Variants in ATXN1 observed in about 807,000 individuals in gnomAD.
ATXN1 encodes ataxin-1.
ATXN1 carries 8 observed loss-of-function variants against 56.4 expected under a neutral mutation model. That is an observed-to-expected ratio of 0.14 (90% CI 0.08 to 0.26). The LOEUF (loss-of-function observed/expected upper bound fraction) is 0.26. Among genes scored for constraint, ATXN1 ranks in the 10% least tolerant of loss-of-function variants. ATXN1 has a pLI of 1.00. For synonymous variants in ATXN1, 514 were observed against 494.6 expected (o/e 1.04, Z -0.52); for missense variants, 987 against 1,106.5 (o/e 0.89, Z 1.53).
intron 6 of ATXN1, among the ~76,000 whole-genome samples, chr6:16,438,944 G>C (rs371914864): frequency 2.0e-5 from 3 of 152,188 alleles, no homozygotes; most frequent in African/African-American, 7.2e-5. Context: ...GGAATCTCTT[G>C]TGTAAGATGG....
At chr6:16,648,076 AAAAAC>A (rs1763832770) in intron 3 of ATXN1, among the ~76,000 whole-genome samples, 2 of 152,224 alleles carry the variant, frequency 1.3e-5, no homozygotes, top group Non-Finnish European at 2.9e-5. Context: ...ACTCCATCTC[AAAAAC>A]AAAATAAAAT....
At chr6:16,642,319 T>C (rs528905942) in intron 3 of ATXN1, among the ~76,000 whole-genome samples, 2 of 152,094 alleles carry the variant, frequency 1.3e-5, no homozygotes, top group Non-Finnish European at 2.9e-5. Context: ...TGTTTGAACC[T>C]GGGAGGTGGA....
chr6:16,332,720 G>A (rs1380555036), intron 6 of ATXN1, among the ~76,000 whole-genome samples: 1 of 152,216 alleles, frequency 6.6e-6, no homozygotes, highest in African/African-American at 2.4e-5. Flanking sequence ...TGCTACCCAT[G>A]GTTTGCCTGA....
chr6:16,372,272 C>A (rs1581720420), intron 6 of ATXN1, among the ~76,000 whole-genome samples: 1 of 151,484 alleles, frequency 6.6e-6, no homozygotes, highest in Admixed American at 6.6e-5. Flanking sequence ...AGGGCCAGAC[C>A]AATAAGAAAG....
chr6:16,705,562 C>G (rs1049050105), intron 2 of ATXN1, among the ~76,000 whole-genome samples: 10 of 152,296 alleles, frequency 6.6e-5, no homozygotes, highest in Admixed American at 5.9e-4. Flanking sequence ...CACTACCCCC[C>G]TCTCATTCAC....
chr6:16,410,973 A>C lies in ATXN1; in HGVS notation c.-161+74999T>G, dbSNP rs1279081727. 6.6e-6 allele frequency among the ~76,000 whole-genome samples: 1 copy of C among 152,074 alleles called. No homozygotes were observed. On this transcript the variant is annotated intron_variant, in intron 6 of 7. Coordinates refer to ENST00000436367, the MANE Select transcript of ATXN1 (RefSeq NM_001128164.2). The surrounding 1 kb of genome is among the most constrained non-coding windows in gnomAD (Gnocchi z 4.6). ...AACCACGTCTCTACCAAAAATACAA[A>C]AATTAGCCGTGTGTAGTAGCACATG...
chr6:16,368,262 C>T (rs1384461187), intron 6 of ATXN1, among the ~76,000 whole-genome samples: 1 of 151,408 alleles, frequency 6.6e-6, no homozygotes, highest in Non-Finnish European at 1.5e-5. Flanking sequence ...TGACCATAAT[C>T]ACCCTGGACT....
chr6:16,361,816 G>C (rs556264495), intron 6 of ATXN1, among the ~76,000 whole-genome samples: 246 of 152,326 alleles, frequency 1.6e-3, no homozygotes, highest in African/African-American at 5.8e-3. Flanking sequence ...TGTGAGGCCA[G>C]CCTTGACTGA....
chr6:16,468,240 C>T (rs1309827022), intron 6 of ATXN1, among the ~76,000 whole-genome samples: 1 of 152,130 alleles, frequency 6.6e-6, no homozygotes, highest in Non-Finnish European at 1.5e-5. Flanking sequence ...GGCTGGAGTG[C>T]AGTGGCACGA....
At position 16,306,248 on chromosome 6, in the gene ATXN1, C is replaced by T. The variant is rs1031671596; in HGVS notation, c.*81G>A. 5.5e-5 allele frequency: 79 copies of T among 1,435,536 alleles called. No homozygotes were observed. Among genetic ancestry groups the T allele is most frequent in the Non-Finnish European group, 6.8e-5 (73 of 1,071,696 alleles). 88.9% of individuals were successfully genotyped at this position (1,435,536 alleles called of 1,614,324 possible). ...AAATTAAGAAGATAACATGTAAATA[C>T]TGTGTTATTTTAGCCTACAGTACAG... On this transcript the variant is annotated 3_prime_UTR_variant, in exon 8 of 8. Coordinates refer to ENST00000436367, the MANE Select transcript of ATXN1 (RefSeq NM_001128164.2). The surrounding 1 kb of genome is among the most constrained non-coding windows in gnomAD (Gnocchi z 5.2).
chr6:16,702,853 A>T (rs1759316389), intron 2 of ATXN1, among the ~76,000 whole-genome samples: 1 of 152,246 alleles, frequency 6.6e-6, no homozygotes, highest in Non-Finnish European at 1.5e-5. Flanking sequence ...GAGGATGTGG[A>T]GACATAGGAA....
intron 3 of ATXN1, among the ~76,000 whole-genome samples, chr6:16,600,083 A>G (rs2113779388): frequency 6.6e-6 from 1 of 152,310 alleles, no homozygotes; most frequent in East Asian, 1.9e-4. Context: ...TTTTTATTTA[A>G]TAATTAAGAT....
At chr6:16,457,002 G>A (rs1008038524) in intron 6 of ATXN1, among the ~76,000 whole-genome samples, 9 of 152,126 alleles carry the variant, frequency 5.9e-5, no homozygotes, top group African/African-American at 1.7e-4. Flanking sequence ...AGGACAAAAC[G>A]CATCACTCTT....
At chr6:16,647,364 T>C (rs1250708377) in intron 3 of ATXN1, among the ~76,000 whole-genome samples, 4 of 152,174 alleles carry the variant, frequency 2.6e-5, no homozygotes, top group African/African-American at 9.7e-5. Context: ...AGTCACTTGC[T>C]CAACATTACA....
intron 4 of ATXN1, among the ~76,000 whole-genome samples, chr6:16,552,733 T>C (rs1761944137): frequency 6.6e-6 from 1 of 152,242 alleles, no homozygotes; most frequent in Admixed American, 6.5e-5. Flanking sequence ...CTGGCGGAGC[T>C]GGCCAGAACA....
At chr6:16,451,525 G>A (rs1012451826) in intron 6 of ATXN1, among the ~76,000 whole-genome samples, 7 of 152,164 alleles carry the variant, frequency 4.6e-5, no homozygotes, top group African/African-American at 1.7e-4. Flanking sequence ...GGAGGCCAAG[G>A]CCGGCAGATC....
At chr6:16,530,807 T>A (rs1451606896) in intron 4 of ATXN1, among the ~76,000 whole-genome samples, 1 of 152,210 alleles carries the variant, frequency 6.6e-6, no homozygotes, top group African/African-American at 2.4e-5. Flanking sequence ...TCAATCAGGT[T>A]TTATGATTTC....
chr6:16,312,898 T>C (rs1760430243), intron 7 of ATXN1, among the ~76,000 whole-genome samples: 1 of 152,170 alleles, frequency 6.6e-6, no homozygotes, highest in African/African-American at 2.4e-5. Flanking sequence ...TTATTATTTC[T>C]TGAGATGGAT....
chr6:16,454,388 C>T (rs1021474660), intron 6 of ATXN1, among the ~76,000 whole-genome samples: 4 of 152,156 alleles, frequency 2.6e-5, no homozygotes, highest in Admixed American at 2.6e-4. Flanking sequence ...AAAATAACAT[C>T]TGGGCAGCAG....
Sources: allele counts gnomAD v4.1 joint callset (sites outside exome capture counted in the v4.1 genomes callset), GRCh38; gene constraint gnomAD v4.1.1; non-coding constraint Gnocchi (gnomAD v3.1); transcripts MANE v1.5; gene names NCBI Gene and HGNC (gene_info 2026-07-23, HGNC 2026-07-21).